The following SERINC5 variants were observed in gnomAD, a reference collection of about 807,000 sequenced individuals.
SERINC5 encodes serine incorporator 5.
In SERINC5, 41 loss-of-function variants were observed where a neutral mutation model predicts 63.1. That is an observed-to-expected ratio of 0.65 (90% CI 0.51 to 0.84). SERINC5 has a LOEUF of 0.84. Ranked by LOEUF, SERINC5 falls within the 40% of genes least tolerant of loss-of-function variation. SERINC5 has a pLI of 0.00. For synonymous variants in SERINC5, 222 were observed against 215.2 expected, an observed-to-expected ratio of 1.03 and a Z score of -0.28; for missense variants, 523 against 573.0, an observed-to-expected ratio of 0.91 and a Z score of 0.89.
intron 8 of SERINC5, among the ~76,000 whole-genome samples, chr5:80,151,761 C>T (rs573388520): frequency 6.1e-4 from 93 of 152,242 alleles, no homozygotes; most frequent in Middle Eastern, 3.4e-3. Flanking sequence ...TGTGTCAGGC[C>T]CGATTCTAAG....
chr5:80,207,920 A>G (rs1750250321), intron 1 of SERINC5, among the ~76,000 whole-genome samples: 1 of 152,196 alleles, frequency 6.6e-6, no homozygotes, highest in African/African-American at 2.4e-5. Context: ...CTGCTGACTG[A>G]ACACGTGTTT....
chr5:80,230,348 T>C (rs1399006501), intron 1 of SERINC5, among the ~76,000 whole-genome samples: 1 of 149,930 alleles, frequency 6.7e-6, no homozygotes, highest in African/African-American at 2.5e-5. Context: ...ATGCACCAGC[T>C]ACTCAGGAGG....
rs73125911 is a variant in SERINC5 at position 80,123,629 on chromosome 5, C to G, written c.1239-10004G>C. On this transcript the variant is annotated intron_variant, in intron 11 of 12. Coordinates refer to the SERINC5 transcript ENST00000509193. ...GAACAGAGATGATCCAGCTCCCCATCTCACCAGCCCCCAAATCCAAAACTT... is the reference window on the plus strand; with the variant it reads ...GAACAGAGATGATCCAGCTCCCCATGTCACCAGCCCCCAAATCCAAAACTT... Among the ~76,000 whole-genome samples the G allele has an allele frequency of 2.7e-3, 410 of 152,300 alleles. 4 individuals are homozygous for G. Among genetic ancestry groups the G allele is most frequent in the African/African-American group, 9.4e-3 (389 of 41,558 alleles).
chr5:80,229,660 C>G (rs1229643523), intron 1 of SERINC5, among the ~76,000 whole-genome samples: 1 of 152,160 alleles, frequency 6.6e-6, no homozygotes, highest in Non-Finnish European at 1.5e-5. Flanking sequence ...AAACACAGAC[C>G]TGTTCAGCCA....
At chr5:80,222,525 A>G (rs887794099) in intron 1 of SERINC5, among the ~76,000 whole-genome samples, 3 of 150,906 alleles carry the variant, frequency 2.0e-5, no homozygotes, top group African/African-American at 7.3e-5. Flanking sequence ...GATCCAACCC[A>G]GAAGTTTTGG....
intron 1 of SERINC5, among the ~76,000 whole-genome samples, chr5:80,232,401 C>T (rs1389729853): frequency 8.4e-6 from 1 of 119,228 alleles, no homozygotes; most frequent in East Asian, 2.4e-4. Flanking sequence ...GAGACTCTGT[C>T]TCAAAGAAAA....
At chr5:80,196,784 T>TA (rs1339059541) in intron 2 of SERINC5, among the ~76,000 whole-genome samples, 1 of 150,796 alleles carries the variant, frequency 6.6e-6, no homozygotes, top group African/African-American at 2.4e-5. Context: ...ACCAAAAATA[T>TA]AAAAAATTAA....
intron 7 of SERINC5, 27 bp from the exon 8 acceptor site, chr5:80,158,989 C>T: frequency 2.0e-5 from 33 of 1,611,998 alleles, no homozygotes; most frequent in Non-Finnish European, 2.8e-5. Flanking sequence ...AAAGTCATCA[C>T]AGTCAAGTAC....
chr5:80,178,592 C>T (rs1331353561), intron 2 of SERINC5, among the ~76,000 whole-genome samples: 1 of 126,936 alleles, frequency 7.9e-6, no homozygotes, highest in Non-Finnish European at 1.6e-5. Flanking sequence ...GTTGCCCAGA[C>T]TGGTCTTGAA....
At chr5:80,209,583 A>G (rs1384517983) in intron 1 of SERINC5, among the ~76,000 whole-genome samples, 2 of 152,206 alleles carry the variant, frequency 1.3e-5, no homozygotes, top group Non-Finnish European at 2.9e-5. Flanking sequence ...ACATACACAT[A>G]TGTGTAGATA....
rs536064108 is a variant in SERINC5 at position 80,170,934 on chromosome 5, G to A, written c.552-1388C>T. ...AGGTAGGAGGATCACCTGAGCTCGG[G>A]TGGATGAAGGCTGCTATGAGCCATG... On this transcript the variant is annotated intron_variant, in intron 5 of 11. Coordinates refer to ENST00000507668, the MANE Select transcript of SERINC5 (RefSeq NM_001174072.3). Among the ~76,000 whole-genome samples the A allele has an allele frequency of 2.2e-4, 34 of 152,328 alleles. 1 individual carries two copies. The highest frequency in any genetic ancestry group is 2.0e-3 in the Admixed American group (30 of 15,306).
At chr5:80,125,748 C>A (rs753499636) in intron 11 of SERINC5, among the ~76,000 whole-genome samples, 3 of 152,078 alleles carry the variant, frequency 2.0e-5, no homozygotes, top group African/African-American at 4.8e-5. Flanking sequence ...TGGTGACCTA[C>A]GAGAGCAGCT....
chr5:80,152,926 A>G (rs1414268169), intron 8 of SERINC5, among the ~76,000 whole-genome samples: 1 of 152,202 alleles, frequency 6.6e-6, no homozygotes, highest in Non-Finnish European at 1.5e-5. Flanking sequence ...TGGGCGAGAA[A>G]GTGAGACTCT....
chr5:80,223,651 T>C (rs1477831144), intron 1 of SERINC5, among the ~76,000 whole-genome samples: 1 of 152,096 alleles, frequency 6.6e-6, no homozygotes, highest in Non-Finnish European at 1.5e-5. Flanking sequence ...AAGTTCTAAT[T>C]AAATTAAAAT....
At chr5:80,148,808 G>A (rs1425080939) in intron 9 of SERINC5, among the ~76,000 whole-genome samples, 1 of 152,196 alleles carries the variant, frequency 6.6e-6, no homozygotes, top group Non-Finnish European at 1.5e-5. Context: ...GAGAGCCAAG[G>A]ATAAGAATAT....
At chr5:80,144,243 A>C (rs773544938) in intron 11 of SERINC5, among the ~76,000 whole-genome samples, 2 of 152,188 alleles carry the variant, frequency 1.3e-5, no homozygotes, top group Non-Finnish European at 2.9e-5. Context: ...CATTTTGTTT[A>C]GGCAGTCACC....
At chr5:80,177,437 T>C in intron 3 of SERINC5, 40 bp from the exon 4 acceptor site, 1 of 1,530,634 alleles carries the variant, frequency 6.5e-7, no homozygotes, top group South Asian at 1.1e-5. Context: ...TGTATTTAAA[T>C]GACATTCAAG....
intron 1 of SERINC5, among the ~76,000 whole-genome samples, chr5:80,230,872 G>A (rs1186901390): frequency 6.6e-6 from 1 of 152,070 alleles, no homozygotes; most frequent in African/African-American, 2.4e-5. Context: ...GAGTGCAGTG[G>A]CACGATCACA....
At chr5:80,182,324 G>A (rs114910822) in intron 2 of SERINC5, among the ~76,000 whole-genome samples, 1,649 of 152,278 alleles carry the variant, frequency 0.011, 27 homozygotes, top group African/African-American at 0.037. Flanking sequence ...TCGTTATTCT[G>A]AGAAGCTGAA....
Sources: gnomAD v4.1 joint callset for allele counts (sites outside exome capture counted in the v4.1 genomes callset) on GRCh38, gnomAD v4.1.1 for gene constraint, MANE v1.5 for transcripts, NCBI Gene and HGNC (gene_info 2026-07-23, HGNC 2026-07-21) for gene names.